The following EXOC6B variants were observed in gnomAD, a reference collection of about 807,000 sequenced individuals.
The protein encoded by EXOC6B is exocyst complex component 6B.
A neutral mutation model predicts 113.5 loss-of-function variants in EXOC6B; 54 were observed. The observed-to-expected ratio is 0.48, with a 90% CI of 0.38 to 0.60. EXOC6B has a LOEUF of 0.60. Ranked by LOEUF, EXOC6B falls within the 20% of genes least tolerant of loss-of-function variation. EXOC6B has a pLI of 0.00. For synonymous variants in EXOC6B, 357 were observed against 339.0 expected (o/e 1.05, Z -0.58); for missense variants, 797 against 977.5 (o/e 0.82, Z 2.46).
rs1265352632 is a variant in EXOC6B, at chr2:72,379,786, G to A, written c.2065C>T (p.Arg689Trp). The A allele has an allele frequency of 1.1e-5, 18 of 1,613,000 alleles. No homozygotes were observed. The highest frequency in any genetic ancestry group is 3.3e-4 in the Middle Eastern group (2 of 6,078). ...LMQLLLEAEV[R>W]QLTLGALQQF... The stretch of plus-strand genomic sequence containing the variant: ...TGTAATGCTCCCAAGGTGAGCTGCC[G>A]CACTTCAGCTTCCAACAAAAGTTGC... The change falls in exon 19 of 22, where the codon CGG becomes TGG. Residue 689 changes from arginine (R) to tryptophan (W), a missense_variant. Arg to Trp is a moderately radical substitution (Grantham distance 101). Transcript: ENST00000272427.
At chr2:72,484,374 C>A (rs1415648551) in intron 16 of EXOC6B, among the ~76,000 whole-genome samples, 1 of 147,788 alleles carries the variant, frequency 6.8e-6, no homozygotes, top group African/African-American at 2.5e-5. Context: ...CTGGCTAACA[C>A]GGTGAAACCC....
rs148790813 is a variant in EXOC6B, at chr2:72,249,026, G to A, written c.2197-64839C>T. ...AGTCTATAATCTCAGGCTTTTGGGA[G>A]GCCAAGGTGGGAGGAGTGATTGAGC... On this transcript the variant is annotated intron_variant, in intron 20 of 21. Transcript: ENST00000272427. Among the ~76,000 whole-genome samples the A allele has an allele frequency of 4.6e-3, 700 of 152,336 alleles. 7 individuals are homozygous for A. The highest frequency in any genetic ancestry group is 0.016 in the African/African-American group (648 of 41,574).
At chr2:72,409,887 A>T (rs528366779) in intron 18 of EXOC6B, among the ~76,000 whole-genome samples, 2 of 152,132 alleles carry the variant, frequency 1.3e-5, no homozygotes, top group Non-Finnish European at 2.9e-5. Flanking sequence ...ATATATGTAT[A>T]CCAATAAAAA....
At chr2:72,793,286 T>A (rs1684778863) in intron 1 of EXOC6B, among the ~76,000 whole-genome samples, 1 of 152,194 alleles carries the variant, frequency 6.6e-6, no homozygotes, top group Non-Finnish European at 1.5e-5. Context: ...TAAGTGTGCA[T>A]ATTGTGTTTC....
chr2:72,333,198 T>G (rs115515032), intron 20 of EXOC6B, among the ~76,000 whole-genome samples: 1 of 152,218 alleles, frequency 6.6e-6, no homozygotes, highest in African/African-American at 2.4e-5. Context: ...AATAGGAACT[T>G]AAGCATAAAT....
intron 20 of EXOC6B, among the ~76,000 whole-genome samples, chr2:72,229,178 GA>G (rs1681450670): frequency 6.6e-6 from 1 of 152,104 alleles, no homozygotes; most frequent in Non-Finnish European, 1.5e-5. Context: ...GTGACTGATT[GA>G]GTAGTGATGC....
intron 8 of EXOC6B, among the ~76,000 whole-genome samples, chr2:72,542,181 A>G (rs2105792811): frequency 6.6e-6 from 1 of 152,282 alleles, no homozygotes; most frequent in African/African-American, 2.4e-5. Flanking sequence ...GAAGTACTGC[A>G]TTCATTCATT....
intron 11 of EXOC6B, among the ~76,000 whole-genome samples, chr2:72,500,988 C>A (rs1161045964): frequency 1.3e-5 from 2 of 152,146 alleles, no homozygotes; most frequent in African/African-American, 4.8e-5. Context: ...AAATATCCAT[C>A]TCCTATCCCA....
intron 20 of EXOC6B, among the ~76,000 whole-genome samples, chr2:72,323,276 C>A (rs1687944935): frequency 6.6e-6 from 1 of 152,114 alleles, no homozygotes; most frequent in African/African-American, 2.4e-5. Flanking sequence ...AATCAAAAAC[C>A]ACAATGAGAT....
chr2:72,334,668 A>C (rs1248830589), intron 20 of EXOC6B, among the ~76,000 whole-genome samples: 7 of 152,208 alleles, frequency 4.6e-5, no homozygotes, highest in African/African-American at 1.7e-4. Context: ...ACAACAGCAC[A>C]ATGGGTCGCA....
intron 20 of EXOC6B, among the ~76,000 whole-genome samples, chr2:72,202,479 A>G (rs2104340396): frequency 6.6e-6 from 1 of 152,302 alleles, no homozygotes; most frequent in Non-Finnish European, 1.5e-5. Flanking sequence ...ATTCTGTGTG[A>G]GCCCAGGACA....
intron 18 of EXOC6B, among the ~76,000 whole-genome samples, chr2:72,450,406 T>C (rs764129545): frequency 2.8e-4 from 43 of 152,304 alleles, no homozygotes; most frequent in African/African-American, 9.4e-4. Flanking sequence ...TCACATGACA[T>C]AGAGGGTATA....
intron 16 of EXOC6B, among the ~76,000 whole-genome samples, chr2:72,485,029 T>C (rs1699344185): frequency 6.6e-6 from 1 of 152,192 alleles, no homozygotes; most frequent in Non-Finnish European, 1.5e-5. Flanking sequence ...TTCTAGATCC[T>C]TCAGGAATTG....
At chr2:72,546,348 C>A (rs1453355232) in intron 8 of EXOC6B, among the ~76,000 whole-genome samples, 3 of 152,128 alleles carry the variant, frequency 2.0e-5, no homozygotes, top group African/African-American at 7.2e-5. Context: ...ACTAGGGAGG[C>A]TGAGGCAGGA....
chr2:72,591,071 G>C lies in EXOC6B; in HGVS notation c.670-15403C>G, dbSNP rs550476027. ...TGAAAGACCAAACATTGTAAATTAA[G>C]ATCTAGTTTATGAAAATAAATTAAA... On this transcript the variant is annotated intron_variant, in intron 6 of 21. Coordinates refer to ENST00000272427, the MANE Select transcript of EXOC6B (RefSeq NM_015189.3). 5.8e-4 allele frequency among the ~76,000 whole-genome samples: 88 copies of C among 152,130 alleles called. No homozygotes were observed. In the South Asian group the frequency reaches 0.011, roughly 18 times the overall value.
chr2:72,562,952 T>C (rs1233185162), intron 7 of EXOC6B, among the ~76,000 whole-genome samples: 1 of 152,162 alleles, frequency 6.6e-6, no homozygotes, highest in East Asian at 1.9e-4. Flanking sequence ...AATAGTTTCA[T>C]CACCAAGGAC....
intron 6 of EXOC6B, among the ~76,000 whole-genome samples, chr2:72,680,636 T>C (rs914761169): frequency 6.6e-6 from 1 of 151,796 alleles, no homozygotes; most frequent in Admixed American, 6.6e-5. Flanking sequence ...CTACTTGGGA[T>C]GCTGAGCCAG....
At chr2:72,670,836 C>G (rs1453092029) in intron 6 of EXOC6B, among the ~76,000 whole-genome samples, 2 of 152,118 alleles carry the variant, frequency 1.3e-5, no homozygotes, top group African/African-American at 4.8e-5. Context: ...TGTGCTCAGT[C>G]CTTGGAGTTC....
rs1332788882 is a variant in EXOC6B, at chr2:72,456,438, C to T, written c.1980+8722G>A. Among the ~76,000 whole-genome samples, 6 of 152,144 alleles carry T rather than the reference C, an allele frequency of 3.9e-5. No individual in the cohort carries two copies. In the East Asian group the frequency reaches 1.2e-3, roughly 29 times the overall value. ...AAACTCCATAAAAACTTACTATGCA[C>T]TATTTCATGCAAGCTGCTGCACTAT... On this transcript the variant is annotated intron_variant, in intron 18 of 21. Coordinates refer to ENST00000272427, the MANE Select transcript of EXOC6B (RefSeq NM_015189.3).
Sources: allele counts gnomAD v4.1 joint callset (sites outside exome capture counted in the v4.1 genomes callset), GRCh38; gene constraint gnomAD v4.1.1; transcripts MANE v1.5; gene names NCBI Gene and HGNC (gene_info 2026-07-23, HGNC 2026-07-21).